SEMA3C: variants seen among roughly 807,000 people sequenced by gnomAD.
SEMA3C encodes semaphorin-3C.
A neutral mutation model predicts 89.4 loss-of-function variants in SEMA3C; 47 were observed. The ratio of observed to expected loss-of-function variants is 0.53; its 90% CI spans 0.42 to 0.67. The LOEUF is 0.67. SEMA3C is among the 30% of genes least tolerant of loss of function. The probability of loss-of-function intolerance (pLI) is 0.00; values close to 1 mark genes in which losing one functional copy is unlikely to be tolerated. For synonymous variants in SEMA3C, 310 were observed against 320.2 expected (o/e 0.97, Z 0.34); for missense variants, 839 against 929.1 (o/e 0.90, Z 1.26).
In SEMA3C at chr7:80,797,770, C is replaced by T. The variant is rs565329726; in HGVS notation, c.1131+322G>A. 7.9e-5 allele frequency among the ~76,000 whole-genome samples: 12 copies of T among 152,208 alleles called. No individual in the cohort carries two copies. The South Asian group carries it at 1.0e-3, about 13-fold the overall frequency. On this transcript the variant is annotated intron_variant, in intron 11 of 17. Transcript: ENST00000265361. ...ATCCAAGCACTTTGGGAGGCCAAGG[C>T]GGGCGGATCACGAGGTCAGGAGTTC...
In SEMA3C at chr7:80,904,899, G is replaced by T. The variant is rs567169947; in HGVS notation, c.103+11780C>A. On this transcript the variant is annotated intron_variant, in intron 2 of 17. Transcript: ENST00000265361. ...GAGAATCACTGCCCTAGGGTCTCAG[G>T]TTTAACCTTACCAGTCATTCCAAAA... Among the ~76,000 whole-genome samples the T allele has an allele frequency of 1.2e-4, 18 of 152,122 alleles. No homozygotes were observed. In the East Asian group the frequency reaches 3.3e-3, roughly 28 times the overall value.
chr7:80,881,548 T>C (rs780117092), intron 2 of SEMA3C, among the ~76,000 whole-genome samples: 2 of 152,268 alleles, frequency 1.3e-5, no homozygotes, highest in Middle Eastern at 3.4e-3. Flanking sequence ...TGATTTTACA[T>C]GTGTAAGTGA....
chr7:80,875,525 G>C (rs924651459), intron 2 of SEMA3C, among the ~76,000 whole-genome samples: 1 of 152,020 alleles, frequency 6.6e-6, no homozygotes, highest in African/African-American at 2.4e-5. Context: ...AGCACAATCG[G>C]AAAAAATTAA....
intron 4 of SEMA3C, among the ~76,000 whole-genome samples, chr7:80,826,450 T>A (rs1789875171): frequency 1.3e-5 from 2 of 152,192 alleles, no homozygotes; most frequent in Non-Finnish European, 2.9e-5. Context: ...AATTAGTTTG[T>A]ATATCTATGC....
intron 2 of SEMA3C, among the ~76,000 whole-genome samples, chr7:80,858,092 A>T (rs1263137896): frequency 6.6e-6 from 1 of 152,156 alleles, no homozygotes; most frequent in Non-Finnish European, 1.5e-5. Flanking sequence ...AAAAGACTCA[A>T]TCACACTTCT....
At position 80,811,272 on chromosome 7, in the gene SEMA3C, G is replaced by C. The variant is rs369716955; in HGVS notation, c.448-571C>G. Among the ~76,000 whole-genome samples the C allele has an allele frequency of 1.7e-3, 259 of 151,872 alleles. 1 individual carries two copies. The highest frequency in any genetic ancestry group is 6.1e-3 in the African/African-American group (254 of 41,420). On this transcript the variant is annotated intron_variant, in intron 5 of 17. Transcript: ENST00000265361. Reference sequence around the variant, plus strand: ...GTACCAGAAACTGACTAAACACTGGGGATATTGCAAACAAAATACACTAAA... The same window carrying C: ...GTACCAGAAACTGACTAAACACTGGCGATATTGCAAACAAAATACACTAAA...
chr7:80,754,339 G>C (rs1025386644), intron 15 of SEMA3C, among the ~76,000 whole-genome samples: 1 of 152,096 alleles, frequency 6.6e-6, no homozygotes. Context: ...AAGTATAACT[G>C]TATTTCTCTG....
intron 2 of SEMA3C, among the ~76,000 whole-genome samples, chr7:80,915,334 A>G (rs1052751475): frequency 6.6e-6 from 1 of 152,162 alleles, no homozygotes; most frequent in African/African-American, 2.4e-5. Flanking sequence ...CTAAGGAAGC[A>G]ATTAGAAGCT....
intron 2 of SEMA3C, among the ~76,000 whole-genome samples, chr7:80,869,397 T>G (rs1449442565): frequency 6.6e-6 from 1 of 152,204 alleles, no homozygotes; most frequent in African/African-American, 2.4e-5. Flanking sequence ...GATACAAATT[T>G]GCTGTGTGCC....
At chr7:80,915,515 G>C (rs1370450463) in intron 2 of SEMA3C, among the ~76,000 whole-genome samples, 1 of 152,024 alleles carries the variant, frequency 6.6e-6, no homozygotes, top group Non-Finnish European at 1.5e-5. Flanking sequence ...AGGCGGAGGC[G>C]GGCAGATCAC....
intron 8 of SEMA3C, among the ~76,000 whole-genome samples, chr7:80,803,628 T>C (rs73137741): frequency 0.076 from 11,540 of 152,192 alleles, 469 homozygotes; most frequent in Non-Finnish European, 0.097. Context: ...TGTTTTTAAT[T>C]AGAATTTTAT....
At chr7:80,800,375 T>A (rs1211613768) in intron 10 of SEMA3C, among the ~76,000 whole-genome samples, 1 of 152,192 alleles carries the variant, frequency 6.6e-6, no homozygotes, top group East Asian at 1.9e-4. Flanking sequence ...TGTGTTACTG[T>A]CACTACAATC....
intron 15 of SEMA3C, among the ~76,000 whole-genome samples, chr7:80,755,506 A>G (rs547654748): frequency 1.3e-5 from 2 of 151,734 alleles, no homozygotes; most frequent in Non-Finnish European, 2.9e-5. Context: ...CAGTTTCCTT[A>G]CATTATATAA....
intron 2 of SEMA3C, among the ~76,000 whole-genome samples, chr7:80,900,214 C>T (rs944538844): frequency 3.3e-5 from 5 of 151,922 alleles, no homozygotes; most frequent in African/African-American, 1.2e-4. Context: ...CCCGGGTTCA[C>T]GCCATTCTCC....
chr7:80,900,434 T>A (rs1583992745), intron 2 of SEMA3C, among the ~76,000 whole-genome samples: 1 of 152,208 alleles, frequency 6.6e-6, no homozygotes, highest in East Asian at 1.9e-4. Flanking sequence ...GTTTTTACTG[T>A]GTGTCACATC....
At chr7:80,771,289 G>C (rs978096114) in intron 12 of SEMA3C, among the ~76,000 whole-genome samples, 1 of 152,172 alleles carries the variant, frequency 6.6e-6, no homozygotes, top group African/African-American at 2.4e-5. Flanking sequence ...ACAGATAATA[G>C]AGATACTCTA....
At chr7:80,885,975 T>C (rs542277599) in intron 2 of SEMA3C, among the ~76,000 whole-genome samples, 1 of 152,354 alleles carries the variant, frequency 6.6e-6, no homozygotes, top group South Asian at 2.1e-4. Context: ...ACAAACCTGC[T>C]GATGACATAT....
rs1049369300 is a variant in SEMA3C at position 80,750,519 on chromosome 7, A to T, written c.1711+750T>A. Reference sequence around the variant, plus strand: ...ACACACACATACACACACACACATTATATATATGCACACATGATAAAATAC... The same window carrying T: ...ACACACACATACACACACACACATTTTATATATGCACACATGATAAAATAC... On this transcript the variant is annotated intron_variant, in intron 16 of 17. Transcript: ENST00000265361. 1.0e-4 allele frequency among the ~76,000 whole-genome samples: 13 copies of T among 130,434 alleles called. No individual in the cohort carries two copies. The South Asian group carries it at 2.1e-3, about 21-fold the overall frequency. The allele number at this position is 130,434 out of a possible 152,430, so 85.6% of individuals were successfully genotyped here.
At chr7:80,919,565 TTTTTGTTTTTTG>T (rs890853073), upstream of SEMA3C, among the ~76,000 whole-genome samples, 1 of 141,766 alleles carries the variant, frequency 7.1e-6, no homozygotes, top group African/African-American at 3.0e-5. Context: ...CTGCGTTTTT[TTTTTGTTTTTTG>T]TTTTTTGTTT....
Sources: allele counts gnomAD v4.1 joint callset (sites outside exome capture counted in the v4.1 genomes callset), GRCh38; gene constraint gnomAD v4.1.1; transcripts MANE v1.5; gene names NCBI Gene and HGNC (gene_info 2026-07-23, HGNC 2026-07-21).